Variants in RFX2 observed in about 807,000 individuals in gnomAD.
RFX2 encodes DNA-binding protein RFX2.
RFX2 carries 20 observed loss-of-function variants against 87.8 expected under a neutral mutation model. That is an observed-to-expected ratio of 0.23 (90% confidence interval 0.16 to 0.33). The LOEUF (loss-of-function observed/expected upper bound fraction) is 0.33. Among genes scored for constraint, RFX2 ranks in the 10% least tolerant of loss-of-function variants. The pLI, the probability that RFX2 is intolerant of heterozygous loss-of-function variation, is 1.00. For synonymous variants in RFX2, 397 were observed against 431.3 expected (o/e 0.92, Z 0.98); for missense variants, 767 against 1,012.3 (o/e 0.76, Z 3.29).
At position 5,999,587 on chromosome 19, in the gene RFX2, C is replaced by T. The variant is rs560320561; in HGVS notation, c.1859+2228G>A. Among the ~76,000 whole-genome samples, 1 of 152,194 alleles carries T rather than the reference C, an allele frequency of 6.6e-6. No individual in the cohort carries two copies. The highest frequency in any genetic ancestry group is 2.1e-4 in the South Asian group (1 of 4,810). On this transcript the variant is annotated intron_variant, in intron 15 of 17. Transcript: ENST00000303657. This position sits in a 1 kb window ranked among gnomAD's most constrained non-coding sequence, Gnocchi z 4.1. ...TGGTGTGCTAGGTCCATGGCAGAGC[C>T]GCATAGTCTATTAGGCGTGTGGTTC... is the stretch of plus-strand genomic sequence containing the variant.
chr19:6,009,335 C>G (rs1263902219), intron 9 of RFX2, among the ~76,000 whole-genome samples: 1 of 152,164 alleles, frequency 6.6e-6, no homozygotes, highest in Non-Finnish European at 1.5e-5. Flanking sequence ...TTGGCCGCCC[C>G]CCACCCCCCT....
intron 1 of RFX2, among the ~76,000 whole-genome samples, chr19:6,098,911 G>A (rs1347434231): frequency 6.8e-6 from 1 of 146,660 alleles, no homozygotes; most frequent in African/African-American, 2.6e-5. Flanking sequence ...CTGACTTTTT[G>A]GGGTGACCCC....
intron 7 of RFX2, among the ~76,000 whole-genome samples, chr19:6,014,095 C>A (rs1415995131): frequency 6.6e-6 from 1 of 152,150 alleles, no homozygotes; most frequent in Non-Finnish European, 1.5e-5. Context: ...AAACAGCTCA[C>A]AGAGTCCTTA....
intron 9 of RFX2, among the ~76,000 whole-genome samples, chr19:6,009,512 G>A (rs906703580): frequency 1.3e-5 from 2 of 152,186 alleles, no homozygotes; most frequent in East Asian, 3.8e-4. Flanking sequence ...CAGGCAAGAA[G>A]GAAGAAAGCC....
In RFX2 at chr19:6,083,413, T is replaced by C. The variant is rs2087812331; in HGVS notation, c.-9+26980A>G. 6.6e-6 allele frequency among the ~76,000 whole-genome samples: 1 copy of C among 152,198 alleles called. No individual in the cohort carries two copies. The highest frequency in any genetic ancestry group is 1.5e-5 in the Non-Finnish European group (1 of 68,044). ...TTATGGACACTGAAATTTAATTTCA[T>C]ATCATTTTCATGTGTCACAAAATAT... On this transcript the variant is annotated intron_variant, in intron 1 of 17. Transcript: ENST00000303657. The surrounding 1 kb of genome is among the most constrained non-coding windows in gnomAD (Gnocchi z 4.6).
At chr19:6,054,504 C>G (rs1167558274) in intron 1 of RFX2, among the ~76,000 whole-genome samples, 1 of 151,908 alleles carries the variant, frequency 6.6e-6, no homozygotes, top group African/African-American at 2.4e-5. Context: ...AAATCAAATT[C>G]AACAATATAT....
Position 6,001,934 on chromosome 19 carries a change from G to C in RFX2, c.1740C>G (p.Ser580=). 1.2e-6 allele frequency: 2 copies of C among 1,612,886 alleles called. No individual in the cohort carries two copies. Among genetic ancestry groups the C allele is most frequent in the Non-Finnish European group, 1.7e-6 (2 of 1,179,976 alleles). ...DFKLTLQQQS[S]LDQWASWLDS... ...CCAGCCAGCTGGCCCACTGGTCCAG[G>C]GAGCTCTGCTGCTGCAGGGTCAGCT... The change falls in exon 15 of 18, where the codon TCC becomes TCG. Residue 580 remains serine, a synonymous_variant. Coordinates refer to ENST00000303657, the MANE Select transcript of RFX2 (RefSeq NM_000635.4). This position sits in a 1 kb window ranked among gnomAD's most constrained non-coding sequence, Gnocchi z 5.6.
At chr19:6,094,741 A>G (rs2087996963) in intron 1 of RFX2, among the ~76,000 whole-genome samples, 1 of 152,226 alleles carries the variant, frequency 6.6e-6, no homozygotes, top group Non-Finnish European at 1.5e-5. Context: ...AATTTTTCAT[A>G]TAGGTTATAT....
Position 6,098,152 on chromosome 19 carries a change from A to T in RFX2, c.-9+12241T>A, listed in dbSNP as rs146793283. On this transcript the variant is annotated intron_variant, in intron 1 of 17. Coordinates refer to ENST00000303657, the MANE Select transcript of RFX2 (RefSeq NM_000635.4). ...ACATGATTTTATCTATGAGCTTTGT[A>T]ACCAGACAACTAAATGTATAATTTA... 1.5e-3 allele frequency among the ~76,000 whole-genome samples: 227 copies of T among 152,290 alleles called. 1 individual carries two copies. Among genetic ancestry groups the T allele is most frequent in the African/African-American group, 5.3e-3 (222 of 41,562 alleles).
At chr19:6,073,339 GC>G in intron 1 of RFX2, 1 of 1,374,108 alleles carries the variant, frequency 7.3e-7, no homozygotes, top group Non-Finnish European at 1.0e-6. Flanking sequence ...AGCACATGCT[GC>G]CCAGTGGCTT....
At chr19:5,996,335 G>A (rs572219835) in intron 16 of RFX2, among the ~76,000 whole-genome samples, 11 of 40,998 alleles carry the variant, frequency 2.7e-4, no homozygotes, top group African/African-American at 9.4e-4. Context: ...ACGGAGGGAC[G>A]AGCGGTCAGC....
At chr19:6,053,743 G>A (rs2087294408) in intron 1 of RFX2, among the ~76,000 whole-genome samples, 1 of 152,070 alleles carries the variant, frequency 6.6e-6, no homozygotes, top group Non-Finnish European at 1.5e-5. Flanking sequence ...ATCACCTGAG[G>A]TCAGGAGTTT....
At chr19:6,031,532 C>A (rs572379423) in intron 5 of RFX2, among the ~76,000 whole-genome samples, 1 of 137,882 alleles carries the variant, frequency 7.3e-6, no homozygotes, top group African/African-American at 2.7e-5. Context: ...CAGGTTCAAG[C>A]AATTCTCCTG....
Position 6,001,381 on chromosome 19 carries a change from C to T in RFX2, c.1859+434G>A, listed in dbSNP as rs1364103302. 6.6e-6 allele frequency among the ~76,000 whole-genome samples: 1 copy of T among 152,184 alleles called. No individual in the cohort carries two copies. The highest frequency in any genetic ancestry group is 2.4e-5 in the African/African-American group (1 of 41,444). ...GGGCTCAAGGATCCTTCCACCTCAGCCTCACAAGTATCTGGGACCACAGGC... is the reference window on the plus strand; with the variant it reads ...GGGCTCAAGGATCCTTCCACCTCAGTCTCACAAGTATCTGGGACCACAGGC... On this transcript the variant is annotated intron_variant, in intron 15 of 17. Coordinates refer to ENST00000303657, the MANE Select transcript of RFX2 (RefSeq NM_000635.4). This position sits in a 1 kb window ranked among gnomAD's most constrained non-coding sequence, Gnocchi z 5.6.
rs371497406 is a variant in RFX2 at position 6,002,894 on chromosome 19, G to A, written c.1501-24C>T. The stretch of plus-strand genomic sequence containing the variant: ...ACCTGTAAGCCAGGGCTCGTGGTGA[G>A]CAGGGGTTCGCAGGGAGAGCCTGTT... On this transcript the variant is annotated intron_variant, in intron 13 of 17. Transcript: ENST00000303657. This position sits in a 1 kb window ranked among gnomAD's most constrained non-coding sequence, Gnocchi z 6.7. The A allele has an allele frequency of 8.8e-6, 14 of 1,585,964 alleles. No homozygotes were observed. Among genetic ancestry groups the A allele is most frequent in the Middle Eastern group, 1.8e-4 (1 of 5,556 alleles).
chr19:6,067,380 C>T (rs2087529416), intron 1 of RFX2, among the ~76,000 whole-genome samples: 1 of 152,164 alleles, frequency 6.6e-6, no homozygotes, highest in Non-Finnish European at 1.5e-5. Flanking sequence ...GGGGCTTTGC[C>T]GGGAGGGACT....
chr19:6,030,813 T>C (rs75807193), intron 5 of RFX2, among the ~76,000 whole-genome samples: 9,820 of 152,268 alleles, frequency 0.064, 1,082 homozygotes, highest in African/African-American at 0.22. Flanking sequence ...TTAGTCTCCC[T>C]TGCAACTTGA....
chr19:6,004,305 G>T lies in RFX2; in HGVS notation c.1403-7C>A, dbSNP rs752472060. The T allele has an allele frequency of 1.2e-6, 2 of 1,610,406 alleles. No individual in the cohort carries two copies. Among genetic ancestry groups the T allele is most frequent in the South Asian group, 2.2e-5 (2 of 90,996 alleles). Reference sequence around the variant, plus strand: ...ATGGCCTGTGTCAAGGTACCTGGGGGATACAGACCATGATATTACCAGGGA... The same window carrying T: ...ATGGCCTGTGTCAAGGTACCTGGGGTATACAGACCATGATATTACCAGGGA... On this transcript the variant is annotated splice_region_variant and splice_polypyrimidine_tract_variant and intron_variant, in intron 12 of 17. Transcript: ENST00000303657. The surrounding 1 kb of genome is among the most constrained non-coding windows in gnomAD (Gnocchi z 4.8).
In RFX2 at chr19:6,083,105, C is replaced by T. The variant is rs1407245075; in HGVS notation, c.-9+27288G>A. Among the ~76,000 whole-genome samples, 1 of 152,180 alleles carries T rather than the reference C, an allele frequency of 6.6e-6. No individual in the cohort carries two copies. The highest frequency in any genetic ancestry group is 2.4e-5 in the African/African-American group (1 of 41,428). On this transcript the variant is annotated intron_variant, in intron 1 of 17. Transcript: ENST00000303657. The surrounding 1 kb of genome is among the most constrained non-coding windows in gnomAD (Gnocchi z 4.6). ...TATTGTTTGTAGAGACGGGGTTTCA[C>T]CCTGTTGTCCAGGCTGGTCTTGAAC...
Sources: gnomAD v4.1 joint callset for allele counts (sites outside exome capture counted in the v4.1 genomes callset) on GRCh38, gnomAD v4.1.1 for gene constraint, Gnocchi (gnomAD v3.1) non-coding constraint, MANE v1.5 for transcripts, NCBI Gene and HGNC (gene_info 2026-07-23, HGNC 2026-07-21) for gene names.